SPECC1: variants seen among roughly 807,000 people sequenced by gnomAD.
SPECC1 encodes sperm antigen with calponin homology and coiled-coil domains 1, also known as cytospin-B.
Under a neutral mutation model 104.1 loss-of-function variants are expected in SPECC1, and 62 were observed. The ratio of observed to expected loss-of-function variants is 0.60; its 90% CI spans 0.49 to 0.74. SPECC1 has a LOEUF of 0.74. SPECC1 is among the 30% of genes least tolerant of loss of function. SPECC1 has a pLI of 0.00. For synonymous variants in SPECC1, 513 were observed against 501.6 expected (o/e 1.02, Z -0.30); for missense variants, 1,306 against 1,310.5 (o/e 1.00, Z 0.05).
chr17:20,064,584 ACGTCTTC>A (rs1445799406), intron 1 of SPECC1, among the ~76,000 whole-genome samples: 1 of 152,104 alleles, frequency 6.6e-6, no homozygotes, highest in Non-Finnish European at 1.5e-5. Flanking sequence ...CCAGCGCCAG[ACGTCTTC>A]CATCCCTACG....
chr17:20,030,366 CT>C (rs1431828757), intron 1 of SPECC1, among the ~76,000 whole-genome samples: 2 of 151,690 alleles, frequency 1.3e-5, no homozygotes, highest in African/African-American at 4.8e-5. Flanking sequence ...TGTATTATGT[CT>C]ATTAATATTA....
intron 4 of SPECC1, among the ~76,000 whole-genome samples, chr17:20,216,616 C>T (rs1244037292): frequency 1.3e-5 from 2 of 152,162 alleles, no homozygotes; most frequent in African/African-American, 2.4e-5. Flanking sequence ...GCGTAGGAAC[C>T]TCTGCTGCCA....
chr17:20,249,608 C>A (rs953767382), intron 9 of SPECC1, among the ~76,000 whole-genome samples: 2 of 152,004 alleles, frequency 1.3e-5, no homozygotes, highest in Non-Finnish European at 2.9e-5. Flanking sequence ...AGAATTTCAG[C>A]AGAAAACCAC....
In SPECC1 at chr17:20,093,549, G is replaced by A. The variant is rs984830112; in HGVS notation, c.-21-3082G>A. On this transcript the variant is annotated intron_variant, in intron 1 of 14. Transcript: ENST00000395527. The stretch of plus-strand genomic sequence containing the variant: ...AAATGAACTGGCTTCAGAGAGCCAG[G>A]CTGAGGGGCTGAGATGACGGGAGGG... Among the ~76,000 whole-genome samples, 4 of 152,114 alleles carry A rather than the reference G, an allele frequency of 2.6e-5. 1 individual carries two copies. The East Asian group carries it at 7.7e-4, about 29-fold the overall frequency.
At chr17:20,150,571 G>A (rs570448369) in intron 3 of SPECC1, among the ~76,000 whole-genome samples, 6 of 151,638 alleles carry the variant, frequency 4.0e-5, no homozygotes, top group South Asian at 2.1e-4. Flanking sequence ...CTCGGGAGGC[G>A]GAGGTTGCAG....
intron 3 of SPECC1, chr17:20,111,807 A>G (rs1464823833): frequency 4.2e-5 from 33 of 793,942 alleles, no homozygotes; most frequent in Admixed American, 2.5e-4. Flanking sequence ...CTCAGGACCC[A>G]GGGGGGGGGC....
chr17:20,075,582 G>C (rs1473280282), intron 1 of SPECC1, among the ~76,000 whole-genome samples: 1 of 152,148 alleles, frequency 6.6e-6, no homozygotes, highest in African/African-American at 2.4e-5. Context: ...AAGGAGGATT[G>C]CTTGAGACCA....
chr17:20,152,717 G>A (rs1283666025), intron 3 of SPECC1, among the ~76,000 whole-genome samples: 1 of 152,142 alleles, frequency 6.6e-6, no homozygotes, highest in African/African-American at 2.4e-5. Flanking sequence ...CTGTTGCCAG[G>A]CTGGAGTACA....
chr17:20,010,684 A>T (rs1351276660), intron 1 of SPECC1, among the ~76,000 whole-genome samples: 1 of 152,188 alleles, frequency 6.6e-6, no homozygotes, highest in East Asian at 1.9e-4. Context: ...TAAACAACAG[A>T]TGTCTCTCAT....
At chr17:20,058,527 T>C (rs1341136523) in intron 1 of SPECC1, among the ~76,000 whole-genome samples, 1 of 149,646 alleles carries the variant, frequency 6.7e-6, no homozygotes, top group Non-Finnish European at 1.5e-5. Context: ...GGCATGGTGG[T>C]GCGTGCCTGT....
chr17:20,228,914 G>C (rs56074205), intron 5 of SPECC1, among the ~76,000 whole-genome samples: 1 of 152,144 alleles, frequency 6.6e-6, no homozygotes, highest in Non-Finnish European at 1.5e-5. Context: ...AGAATAGCTT[G>C]GTCAGTTGCC....
intron 3 of SPECC1, among the ~76,000 whole-genome samples, chr17:20,130,246 G>A (rs1296489243): frequency 2.6e-5 from 4 of 152,012 alleles, no homozygotes; most frequent in Admixed American, 6.6e-5. Flanking sequence ...CTATTGAATC[G>A]CTTTTCTACT....
chr17:20,305,233 A>C (rs927252420), intron 13 of SPECC1, among the ~76,000 whole-genome samples: 2 of 152,154 alleles, frequency 1.3e-5, no homozygotes, highest in African/African-American at 4.8e-5. Context: ...CTTCCAGGGA[A>C]GGAAGCAAAG....
chr17:20,187,292 C>T (rs1413943487), intron 3 of SPECC1, among the ~76,000 whole-genome samples: 2 of 152,274 alleles, frequency 1.3e-5, no homozygotes, highest in East Asian at 3.9e-4. Flanking sequence ...GCATTTAACC[C>T]CGTCTTCTCC....
chr17:20,032,215 AC>A (rs2044844305), intron 1 of SPECC1, among the ~76,000 whole-genome samples: 3 of 152,210 alleles, frequency 2.0e-5, no homozygotes, highest in African/African-American at 7.2e-5. Flanking sequence ...TTTTTGACTT[AC>A]AGCATTTTTA....
chr17:20,300,468 G>A (rs1036215529), intron 13 of SPECC1, among the ~76,000 whole-genome samples: 2 of 152,260 alleles, frequency 1.3e-5, no homozygotes, highest in African/African-American at 4.8e-5. Context: ...GCTGGGTGAA[G>A]CCCACACATG....
intron 3 of SPECC1, among the ~76,000 whole-genome samples, chr17:20,116,939 C>A (rs1248552981): frequency 1.3e-5 from 2 of 149,424 alleles, no homozygotes; most frequent in Non-Finnish European, 1.5e-5. Context: ...AGTGTCCTGC[C>A]CAAAAATGTC....
intron 1 of SPECC1, among the ~76,000 whole-genome samples, chr17:20,010,938 A>G (rs542216026): frequency 1.3e-5 from 2 of 152,360 alleles, no homozygotes; most frequent in Admixed American, 1.3e-4. Context: ...TGATATGATC[A>G]TGTAGATTTT....
intron 1 of SPECC1, chr17:20,017,145 G>C (rs2044167564): frequency 6.6e-6 from 1 of 152,402 alleles, no homozygotes; most frequent in East Asian, 1.9e-4. Flanking sequence ...AGCCAAGAGT[G>C]GTAACGTGCT....
Sources: allele counts gnomAD v4.1 joint callset (sites outside exome capture counted in the v4.1 genomes callset), GRCh38; gene constraint gnomAD v4.1.1; transcripts MANE v1.5; gene names NCBI Gene and HGNC (gene_info 2026-07-23, HGNC 2026-07-21).